The following TRIM2 variants were observed in gnomAD, a reference collection of about 807,000 sequenced individuals.
TRIM2 encodes the protein tripartite motif-containing protein 2.
In TRIM2, 20 loss-of-function variants were observed where a neutral mutation model predicts 75.2. The observed-to-expected ratio is 0.27, with a 90% CI of 0.19 to 0.39. The LOEUF (loss-of-function observed/expected upper bound fraction) is 0.39, where lower values mean the gene tolerates loss of function less well. TRIM2 is among the 10% of genes least tolerant of loss of function. TRIM2 has a pLI of 1.00. For synonymous variants in TRIM2, 373 were observed against 388.3 expected (o/e 0.96, Z 0.46); for missense variants, 660 against 990.8 (o/e 0.67, Z 4.48).
intron 1 of TRIM2, among the ~76,000 whole-genome samples, chr4:153,213,973 C>T (rs541624912): frequency 6.6e-6 from 1 of 150,592 alleles, no homozygotes; most frequent in African/African-American, 2.4e-5. Context: ...CAGCTTAGCA[C>T]CATAAGACAT....
chr4:153,270,653 A>G, intron 2 of TRIM2, 134 bp downstream of exon 2: 1 of 770,220 alleles, frequency 1.3e-6, no homozygotes, highest in South Asian at 2.9e-5. Context: ...CAGACATTGA[A>G]AAACAGAATC....
intron 1 of TRIM2, chr4:153,223,145 T>TGCGGGGCTGGCA (rs1285771005): frequency 6.6e-6 from 1 of 151,514 alleles, no homozygotes; most frequent in African/African-American, 2.4e-5. Context: ...GGACGGGCGC[T>TGCGGGGCTGGCA]GCGGGGCTGG....
At chr4:153,326,518 A>G (rs1770211884) in intron 10 of TRIM2, among the ~76,000 whole-genome samples, 3 of 152,244 alleles carry the variant, frequency 2.0e-5, no homozygotes, top group Admixed American at 2.0e-4. Context: ...ATGCATATCT[A>G]TAGGTCAGTG....
At chr4:153,173,124 C>A (rs988500392) in intron 1 of TRIM2, among the ~76,000 whole-genome samples, 1 of 152,168 alleles carries the variant, frequency 6.6e-6, no homozygotes, top group African/African-American at 2.4e-5. Flanking sequence ...TGTCTCTAAT[C>A]GCCCTCACCT....
intron 1 of TRIM2, among the ~76,000 whole-genome samples, chr4:153,171,968 TAAC>T (rs1051184679): frequency 3.3e-5 from 5 of 151,894 alleles, no homozygotes; most frequent in Non-Finnish European, 4.4e-5. Flanking sequence ...TACCTAATAT[TAAC>T]AATAATTTTT....
chr4:153,227,026 G>A (rs572403142), intron 1 of TRIM2, among the ~76,000 whole-genome samples: 30 of 152,206 alleles, frequency 2.0e-4, no homozygotes, highest in Non-Finnish European at 2.9e-4. Context: ...GGTACCTTTA[G>A]GCATTAGTGA....
At chr4:153,174,624 A>G (rs1275984768) in intron 1 of TRIM2, among the ~76,000 whole-genome samples, 1 of 152,240 alleles carries the variant, frequency 6.6e-6, no homozygotes, top group Non-Finnish European at 1.5e-5. Context: ...TTCAGCAGCA[A>G]TATACTCACC....
rs1240108785 is a variant in TRIM2 at position 153,295,718 on chromosome 4, A to T, written c.1192A>T (p.Thr398Ser). The T allele has an allele frequency of 4.3e-6, 7 of 1,613,730 alleles. No individual in the cohort carries two copies. The highest frequency in any genetic ancestry group is 5.1e-6 in the Non-Finnish European group (6 of 1,179,906). ...CGCCTACCTCACCGCCGAACTGAGC[A>T]CCCCCGACGGGAGCGTGGCAGACGG... ...GNAYLTAELS[T>S]PDGSVADGEI... The change falls in exon 6 of 12, where the codon ACC becomes TCC. Residue 398 changes from threonine (T) to serine (S), a missense_variant. By Grantham distance (58) the Thr-to-Ser change is moderately conservative. Around this residue, in one of 2 missense-constraint regions of TRIM2, gnomAD observed 620 missense variants for 891.0 expected, o/e 0.70. Coordinates refer to ENST00000338700, the MANE Select transcript of TRIM2 (RefSeq NM_015271.5). This position sits in a 1 kb window ranked among gnomAD's most constrained non-coding sequence, Gnocchi z 7.2.
chr4:153,173,384 C>A (rs1414564011), intron 1 of TRIM2, among the ~76,000 whole-genome samples: 1 of 151,868 alleles, frequency 6.6e-6, no homozygotes, highest in Non-Finnish European at 1.5e-5. Flanking sequence ...AAAAAATAGA[C>A]CAGACACAGT....
At chr4:153,181,765 C>T (rs983903034) in intron 1 of TRIM2, among the ~76,000 whole-genome samples, 1 of 152,078 alleles carries the variant, frequency 6.6e-6, no homozygotes, top group Non-Finnish European at 1.5e-5. Context: ...GAAAGGCATC[C>T]CCTCTACTCA....
At chr4:153,210,058 ATTT>A (rs761134144) in intron 1 of TRIM2, among the ~76,000 whole-genome samples, 1,146 of 106,990 alleles carry the variant, frequency 0.011, 13 homozygotes, top group African/African-American at 0.044. Context: ...GGGTGATTTA[ATTT>A]TTTTTTTTTT....
rs777917708 is a variant in TRIM2 at position 153,339,079 on chromosome 4, G to A, written c.*4113G>A. 68 of 984,880 alleles carry A rather than the reference G, an allele frequency of 6.9e-5. No individual in the cohort carries two copies. The highest frequency in any genetic ancestry group is 1.0e-3 in the Middle Eastern group (2 of 1,934). 61.0% of individuals were successfully genotyped at this position (984,880 alleles called of 1,614,324 possible). Reference sequence around the variant, plus strand: ...CTGACATTGATACTGATATATTCTCGTCATTTGTTCTTTTATGAATCAAAA... The same window carrying A: ...CTGACATTGATACTGATATATTCTCATCATTTGTTCTTTTATGAATCAAAA... On this transcript the variant is annotated 3_prime_UTR_variant, in exon 12 of 12. Coordinates refer to ENST00000338700, the MANE Select transcript of TRIM2 (RefSeq NM_015271.5).
At chr4:153,186,398 T>G (rs988901662) in intron 1 of TRIM2, among the ~76,000 whole-genome samples, 11 of 152,140 alleles carry the variant, frequency 7.2e-5, no homozygotes, top group African/African-American at 2.7e-4. Flanking sequence ...TTTAAAAAAA[T>G]CAGAAGAAAT....
At chr4:153,162,747 T>C (rs1729863563) in intron 1 of TRIM2, among the ~76,000 whole-genome samples, 1 of 152,192 alleles carries the variant, frequency 6.6e-6, no homozygotes. Flanking sequence ...GCCTCTGTTG[T>C]AGCCTTGAGT....
chr4:153,280,987 A>G (rs1480222546), intron 3 of TRIM2, among the ~76,000 whole-genome samples: 2 of 152,122 alleles, frequency 1.3e-5, no homozygotes, highest in Non-Finnish European at 2.9e-5. Flanking sequence ...CCCAGCCTGC[A>G]AATTCTTAAT....
At chr4:153,213,559 G>T (rs752407831) in intron 1 of TRIM2, among the ~76,000 whole-genome samples, 1 of 152,082 alleles carries the variant, frequency 6.6e-6, no homozygotes, top group Non-Finnish European at 1.5e-5. Context: ...ACAGAGTCTC[G>T]CTCTGTCGCC....
chr4:153,336,861 A>G lies in TRIM2; in HGVS notation c.*1895A>G. On this transcript the variant is annotated 3_prime_UTR_variant, in exon 12 of 12. Coordinates refer to ENST00000338700, the MANE Select transcript of TRIM2 (RefSeq NM_015271.5). ...TTTTAGTTAGGTAGAGTTTTAAAAAATACTTGAGCCTGTCCGTGATAAAGC... is the reference window on the plus strand; with the variant it reads ...TTTTAGTTAGGTAGAGTTTTAAAAAGTACTTGAGCCTGTCCGTGATAAAGC... 1.0e-6 allele frequency: 1 copy of G among 985,432 alleles called. No homozygotes were observed. The highest frequency in any genetic ancestry group is 1.2e-6 in the Non-Finnish European group (1 of 829,532). 61.0% of individuals were successfully genotyped at this position (985,432 alleles called of 1,614,324 possible). A position where few individuals can be genotyped will look rare whatever the true frequency, so the allele number is the denominator to read the frequency against.
chr4:153,290,342 G>C (rs929798201), intron 3 of TRIM2, among the ~76,000 whole-genome samples: 5 of 152,186 alleles, frequency 3.3e-5, no homozygotes, highest in Admixed American at 1.3e-4. Flanking sequence ...TATAGTTTTA[G>C]ATCGTTCTAT....
chr4:153,172,140 A>AT (rs1730936213), intron 1 of TRIM2, among the ~76,000 whole-genome samples: 1 of 30,144 alleles, frequency 3.3e-5, no homozygotes, highest in South Asian at 9.9e-4. Flanking sequence ...TTATGATAGT[A>AT]ATTTTTTTTT....
Sources: allele counts gnomAD v4.1 joint callset (sites outside exome capture counted in the v4.1 genomes callset), GRCh38; gene constraint gnomAD v4.1.1; regional missense constraint gnomAD v4.1.1; non-coding constraint Gnocchi (gnomAD v3.1); transcripts MANE v1.5; gene names NCBI Gene and HGNC (gene_info 2026-07-23, HGNC 2026-07-21).